Variants in CSPG5 observed in about 807,000 individuals in gnomAD.
The protein encoded by CSPG5 is acidic leucine-rich EGF-like domain-containing brain protein.
In CSPG5, 25 loss-of-function variants were observed where a neutral mutation model predicts 39.8. The observed-to-expected ratio is 0.63, with a 90% CI of 0.46 to 0.88. CSPG5 has a LOEUF of 0.88. Ranked by LOEUF, CSPG5 falls within the 40% of genes least tolerant of loss-of-function variation. The pLI is 0.00. For missense variants in CSPG5, 627 were observed against 702.2 expected, an observed-to-expected ratio of 0.89 and a Z score of 1.21; for synonymous variants, 295 against 303.9, an observed-to-expected ratio of 0.97 and a Z score of 0.31.
Position 47,577,877 on chromosome 3 carries a change from G to C in CSPG5, c.149C>G (p.Pro50Arg). The stretch of plus-strand genomic sequence containing the variant: ...GTCGTTGGCAGGCGGCTCCCACGCC[G>C]GGCTGCCCTTCACCAGCTCTTCGGC... ...VEAEELVKGS[P>R]AWEPPANDTR... The change falls in exon 2 of 5, where the codon CCG (proline) becomes CGG (arginine). Residue 50 changes from proline to arginine, a missense_variant. Pro to Arg is a moderately radical substitution (Grantham distance 103). Transcript: ENST00000264723. The surrounding 1 kb of genome is among the most constrained non-coding windows in gnomAD (Gnocchi z 4.7). 2 of 1,519,630 alleles carry C rather than the reference G, an allele frequency of 1.3e-6. No homozygotes were observed. The highest frequency in any genetic ancestry group is 1.7e-6 in the Non-Finnish European group (2 of 1,145,764). 94.1% of individuals were successfully genotyped at this position (1,519,630 alleles called of 1,614,324 possible). A position where few individuals can be genotyped will look rare whatever the true frequency, so the allele number is the denominator to read the frequency against.
Position 47,578,612 on chromosome 3 carries a change from A to G in CSPG5, c.82T>C (p.Ser28Pro). The G allele has an allele frequency of 8.6e-7, 1 of 1,160,420 alleles. No homozygotes were observed. The highest frequency in any genetic ancestry group is 1.1e-6 in the Non-Finnish European group (1 of 939,156). The allele number at this position is 1,160,420 out of a possible 1,614,324, so 71.9% of individuals were successfully genotyped here. A position where few individuals can be genotyped will look rare whatever the true frequency, so the allele number is the denominator to read the frequency against. ...LFLGAALVLA[S>P]GAVPAREAGS... ...TCATACCTACCCGGCACGGCCCCAG[A>G]GGCCAGGACCAGCGCGGCCCCCAGA... The change falls in exon 1 of 5, where the codon TCT becomes CCT. Residue 28 changes from serine to proline, a missense_variant. Transcript: ENST00000264723. The surrounding 1 kb of genome is among the most constrained non-coding windows in gnomAD (Gnocchi z 6.0).
At chr3:47,563,110 C>CTG (rs1219747248) in intron 4 of CSPG5, among the ~76,000 whole-genome samples, 2 of 152,244 alleles carry the variant, frequency 1.3e-5, no homozygotes, top group Non-Finnish European at 2.9e-5. Context: ...GCGGGGCCTG[C>CTG]TGAGCCCGGC....
chr3:47,578,361 G>T lies in CSPG5; in HGVS notation c.97+236C>A, dbSNP rs1392725448. Among the ~76,000 whole-genome samples the T allele has an allele frequency of 2.3e-5, 1 of 43,502 alleles. No individual in the cohort carries two copies. The highest frequency in any genetic ancestry group is 4.4e-5 in the Non-Finnish European group (1 of 22,930). The allele number at this position is 43,502 out of a possible 152,430, so 28.5% of individuals were successfully genotyped here. A position where few individuals can be genotyped will look rare whatever the true frequency, so the allele number is the denominator to read the frequency against. ...CCGCCCCCGGCCCCGCCCCCAGTCC[G>T]CACCGCGGCCCGCGCGCTTGGGTCC... On this transcript the variant is annotated intron_variant, in intron 1 of 4. Transcript: ENST00000264723. This position sits in a 1 kb window ranked among gnomAD's most constrained non-coding sequence, Gnocchi z 6.0.
chr3:47,577,678 G>T lies in CSPG5; in HGVS notation c.348C>A (p.Gly116=). 6.3e-7 allele frequency: 1 copy of T among 1,594,958 alleles called. No individual in the cohort carries two copies. The change falls in exon 2 of 5, where the codon GGC becomes GGA. Residue 116 remains glycine (G), a synonymous_variant. Coordinates refer to ENST00000264723, the MANE Select transcript of CSPG5 (RefSeq NM_006574.4). The surrounding 1 kb of genome is among the most constrained non-coding windows in gnomAD (Gnocchi z 4.7). ...PGLGGVTAEA[G]SGDAQALPAT... is the part of the protein sequence containing the mutation. ...CTGGAAGGGCCTGGGCATCGCCGCTGCCCGCCTCTGCGGTCACTCCTCCCA... is the reference window on the plus strand; with the variant it reads ...CTGGAAGGGCCTGGGCATCGCCGCTTCCCGCCTCTGCGGTCACTCCTCCCA...
chr3:47,562,570 T>G lies in CSPG5; in HGVS notation c.*30A>C. On this transcript the variant is annotated 3_prime_UTR_variant, in exon 5 of 5. Transcript: ENST00000264723. Reference sequence around the variant, plus strand: ...GTTTCTTCCCCTACCCCCCACCCACTACCCCCGCTTCCTCTCTTCTTGCTC... The same window carrying G: ...GTTTCTTCCCCTACCCCCCACCCACGACCCCCGCTTCCTCTCTTCTTGCTC... 3.5e-6 allele frequency: 3 copies of G among 862,574 alleles called. No individual in the cohort carries two copies. Among genetic ancestry groups the G allele is most frequent in the Non-Finnish European group, 5.5e-6 (3 of 550,244 alleles). The allele number at this position is 862,574 out of a possible 1,614,324, so 53.4% of individuals were successfully genotyped here.
chr3:47,571,792 G>A (rs1000546612), intron 3 of CSPG5, among the ~76,000 whole-genome samples: 1 of 152,188 alleles, frequency 6.6e-6, no homozygotes, highest in Non-Finnish European at 1.5e-5. Context: ...AGTGGGGGCA[G>A]TTCTGCATAA....
intron 3 of CSPG5, among the ~76,000 whole-genome samples, chr3:47,571,942 G>T (rs1339889251): frequency 2.0e-5 from 3 of 152,192 alleles, no homozygotes; most frequent in African/African-American, 4.8e-5. Context: ...GAGTGTTCAA[G>T]GCATGGGCTT....
At chr3:47,567,354 G>A (rs1199046810) in intron 4 of CSPG5, among the ~76,000 whole-genome samples, 1 of 152,160 alleles carries the variant, frequency 6.6e-6, no homozygotes, top group Admixed American at 6.5e-5. Context: ...CTGTGTGCAT[G>A]TTACTGCAGA....
At chr3:47,562,843 A>C in intron 4 of CSPG5, 82 bp from the exon 5 acceptor site, 1 of 1,368,156 alleles carries the variant, frequency 7.3e-7, no homozygotes, top group Non-Finnish European at 9.8e-7. Context: ...TATCTGGTTG[A>C]AGGAAGCATC....
At chr3:47,563,361 T>A (rs1056167812) in intron 4 of CSPG5, among the ~76,000 whole-genome samples, 1 of 152,122 alleles carries the variant, frequency 6.6e-6, no homozygotes, top group Non-Finnish European at 1.5e-5. Context: ...TAAAAAGGTA[T>A]GTCCTCAATC....
At position 47,578,688 on chromosome 3, in the gene CSPG5, C is replaced by G; in HGVS notation, c.6G>C (p.Gly2=). The change falls in exon 1 of 5, where the codon GGG becomes GGC. Residue 2 remains glycine (G), a synonymous_variant. Transcript: ENST00000264723. The surrounding 1 kb of genome is among the most constrained non-coding windows in gnomAD (Gnocchi z 6.0). The part of the protein sequence containing the change: M[G]RAGGGGPGRG... ...GGCCCGGGCCCCCGCCCCCGGCTCG[C>G]CCCATGGCGCGGCGCCCCGACCGCT... The G allele has an allele frequency of 9.9e-7, 1 of 1,013,886 alleles. No homozygotes were observed. The highest frequency in any genetic ancestry group is 1.2e-6 in the Non-Finnish European group (1 of 830,114). The allele number at this position is 1,013,886 out of a possible 1,614,324, so 62.8% of individuals were successfully genotyped here. A position where few individuals can be genotyped will look rare whatever the true frequency, so the allele number is the denominator to read the frequency against.
At chr3:47,579,128 A>C (rs2031903313), upstream of CSPG5, 1 of 152,244 alleles carries the variant, frequency 6.6e-6, no homozygotes. The surrounding 1 kb of genome is among the most constrained non-coding windows in gnomAD (Gnocchi z 4.2). Flanking sequence ...GGATGGGGCC[A>C]CGGTCCCGCC....
intron 4 of CSPG5, among the ~76,000 whole-genome samples, chr3:47,565,983 C>CA (rs2031282043): frequency 6.6e-6 from 1 of 152,212 alleles, no homozygotes; most frequent in Non-Finnish European, 1.5e-5. Flanking sequence ...TAAGGCCCAC[C>CA]AGCTACAGAG....
At chr3:47,564,486 A>G (rs1345443434) in intron 4 of CSPG5, among the ~76,000 whole-genome samples, 5 of 152,184 alleles carry the variant, frequency 3.3e-5, no homozygotes, top group Admixed American at 2.0e-4. Flanking sequence ...GACTTCACAC[A>G]TGATTTATAG....
chr3:47,576,411 G>A (rs2031732919), intron 2 of CSPG5, among the ~76,000 whole-genome samples: 1 of 151,516 alleles, frequency 6.6e-6, no homozygotes, highest in Non-Finnish European at 1.5e-5. Context: ...TCCTGCGACT[G>A]TACAACCTCT....
chr3:47,569,316 T>C, intron 3 of CSPG5, 89 bp from the exon 4 acceptor site: 1 of 1,409,830 alleles, frequency 7.1e-7, no homozygotes, highest in South Asian at 1.2e-5. Context: ...TCAAATACTG[T>C]ATTTCGGCTG....
At chr3:47,564,152 A>G (rs1309401019) in intron 4 of CSPG5, among the ~76,000 whole-genome samples, 1 of 152,238 alleles carries the variant, frequency 6.6e-6, no homozygotes, top group African/African-American at 2.4e-5. Context: ...AGCTAAGGCC[A>G]TTCTTGCTTT....
Position 47,578,518 on chromosome 3 carries a change from C to T in CSPG5, c.97+79G>A, listed in dbSNP as rs2031871296. On this transcript the variant is annotated intron_variant, in intron 1 of 4. Coordinates refer to ENST00000264723, the MANE Select transcript of CSPG5 (RefSeq NM_006574.4). The surrounding 1 kb of genome is among the most constrained non-coding windows in gnomAD (Gnocchi z 6.0). ...CCCCTTGCCACAGCTCACAGCTCCA[C>T]CTGTCCCCGCCGCCAGCGGGACCCC... 4.6e-6 allele frequency: 2 copies of T among 430,420 alleles called. No individual in the cohort carries two copies. Among genetic ancestry groups the T allele is most frequent in the Admixed American group, 5.4e-5 (1 of 18,604 alleles). 26.7% of individuals were successfully genotyped at this position (430,420 alleles called of 1,614,324 possible).
rs773415706 is a variant in CSPG5, at chr3:47,577,957, G to T, written c.98-29C>A. On this transcript the variant is annotated intron_variant, in intron 1 of 4. Transcript: ENST00000264723. The surrounding 1 kb of genome is among the most constrained non-coding windows in gnomAD (Gnocchi z 4.7). ...CGGGCGGGAGGGCAAGGGGCGGGAC[G>T]TCAGGGCGGCGCGCTGAGGAGCCCT... 6 of 1,387,678 alleles carry T rather than the reference G, an allele frequency of 4.3e-6. No individual in the cohort carries two copies. The highest frequency in any genetic ancestry group is 5.5e-6 in the Non-Finnish European group (6 of 1,081,520). 86.0% of individuals were successfully genotyped at this position (1,387,678 alleles called of 1,614,324 possible).
Sources: gnomAD v4.1 joint callset for allele counts (sites outside exome capture counted in the v4.1 genomes callset) on GRCh38, gnomAD v4.1.1 for gene constraint, Gnocchi (gnomAD v3.1) non-coding constraint, MANE v1.5 for transcripts, NCBI Gene and HGNC (gene_info 2026-07-23, HGNC 2026-07-21) for gene names.